RBFOX1: variants seen among roughly 807,000 people sequenced by gnomAD.
The protein encoded by RBFOX1 is RNA binding fox-1 homolog 1, also known as RNA binding protein fox-1 homolog 1.
Under a neutral mutation model 57.7 loss-of-function variants are expected in RBFOX1, and 8 were observed. That is an observed-to-expected ratio of 0.14 (90% CI 0.08 to 0.25). The LOEUF is 0.25. RBFOX1 is among the 10% of genes least tolerant of loss of function. The pLI is 1.00. For missense variants in RBFOX1, 611 were observed against 548.5 expected, an observed-to-expected ratio of 1.11 and a Z score of -1.14; for synonymous variants, 326 against 222.4, an observed-to-expected ratio of 1.47 and a Z score of -4.15.
At chr16:6,822,411 A>G (rs926650503) in intron 3 of RBFOX1, among the ~76,000 whole-genome samples, 13 of 152,206 alleles carry the variant, frequency 8.5e-5, no homozygotes, top group Non-Finnish European at 1.5e-4. Context: ...AAGTCTTTTA[A>G]AAGCCACTGC....
intron 3 of RBFOX1, among the ~76,000 whole-genome samples, chr16:5,790,648 C>G (rs956473731): frequency 5.3e-5 from 8 of 152,074 alleles, no homozygotes; most frequent in African/African-American, 1.7e-4. Flanking sequence ...CCCTAAGCCT[C>G]GTCTCCCTCC....
At chr16:6,062,701 G>A in intron 1 of RBFOX1, among the ~76,000 whole-genome samples, 1 of 150,288 alleles carries the variant, frequency 6.7e-6, no homozygotes, top group African/African-American at 2.4e-5. Context: ...ATGTATCTAT[G>A]CATATATAGT....
intron 3 of RBFOX1, among the ~76,000 whole-genome samples, chr16:6,668,041 C>A (rs1009013467): frequency 6.6e-6 from 1 of 152,126 alleles, no homozygotes; most frequent in Non-Finnish European, 1.5e-5. Flanking sequence ...AAGATAATAG[C>A]AAAGTAAATT....
rs76325130 is a variant in RBFOX1 at position 6,056,788 on chromosome 16, C to T, written c.-127+36796C>T. Among the ~76,000 whole-genome samples, 270 of 150,982 alleles carry T rather than the reference C, an allele frequency of 1.8e-3. 1 individual carries two copies. Among genetic ancestry groups the T allele is most frequent in the African/African-American group, 6.2e-3 (255 of 41,068 alleles). Reference sequence around the variant, plus strand: ...CCTTTTGAGTGTTAATATGGATCAACAGTGATAAATATTTGAGACACTGGT... The same window carrying T: ...CCTTTTGAGTGTTAATATGGATCAATAGTGATAAATATTTGAGACACTGGT... On this transcript the variant is annotated intron_variant, in intron 1 of 15. Coordinates refer to ENST00000550418, the MANE Select transcript of RBFOX1 (RefSeq NM_018723.4).
chr16:6,111,979 G>A (rs772907931), intron 1 of RBFOX1, among the ~76,000 whole-genome samples: 1 of 152,026 alleles, frequency 6.6e-6, no homozygotes, highest in Non-Finnish European at 1.5e-5. Flanking sequence ...TTAAAGGATC[G>A]CTAAAACTTA....
chr16:6,889,075 G>A (rs939283117), intron 3 of RBFOX1, among the ~76,000 whole-genome samples: 6 of 152,106 alleles, frequency 3.9e-5, no homozygotes, highest in Admixed American at 2.0e-4. Context: ...TTATAGACAC[G>A]GGTTGGTTAG....
At position 7,646,192 on chromosome 16, in the gene RBFOX1, A is replaced by G. The variant is rs75621747; in HGVS notation, c.758-7623A>G. 8.4e-3 allele frequency among the ~76,000 whole-genome samples: 1,273 copies of G among 152,328 alleles called. 13 individuals are homozygous for G. The highest frequency in any genetic ancestry group is 0.013 in the Non-Finnish European group (901 of 68,030). ...CATATTTTGCCATTTGGAAAAAATC[A>G]GGTTTTTTGATTCTTCATTGTGATG... On this transcript the variant is annotated intron_variant, in intron 11 of 15. Transcript: ENST00000550418.
intron 3 of RBFOX1, among the ~76,000 whole-genome samples, chr16:6,780,660 T>C (rs141409410): frequency 6.0e-4 from 89 of 148,840 alleles, no homozygotes; most frequent in African/African-American, 2.0e-3. Context: ...TGTATATATC[T>C]ATATTGCCTG....
chr16:6,455,515 A>G (rs780208444), intron 2 of RBFOX1, among the ~76,000 whole-genome samples: 4 of 152,194 alleles, frequency 2.6e-5, no homozygotes, highest in African/African-American at 9.7e-5. Context: ...CAGGAGTTCT[A>G]TGAATGCACT....
intron 3 of RBFOX1, among the ~76,000 whole-genome samples, chr16:5,638,042 G>A (rs566443484): frequency 6.6e-6 from 1 of 152,284 alleles, no homozygotes; most frequent in South Asian, 2.1e-4. Flanking sequence ...CATCTCATAC[G>A]GGAGTTCCTT....
intron 3 of RBFOX1, among the ~76,000 whole-genome samples, chr16:7,006,126 C>G (rs952238169): frequency 1.3e-5 from 2 of 152,078 alleles, no homozygotes; most frequent in Non-Finnish European, 2.9e-5. Flanking sequence ...GGCTAGAGGA[C>G]ATACATAATG....
At chr16:7,163,908 C>T (rs994042927) in intron 4 of RBFOX1, among the ~76,000 whole-genome samples, 1 of 152,178 alleles carries the variant, frequency 6.6e-6, no homozygotes, top group Non-Finnish European at 1.5e-5. Context: ...GATCCATCCA[C>T]TTCAGCCTCC....
At chr16:5,756,420 G>C (rs1415011795) in intron 3 of RBFOX1, among the ~76,000 whole-genome samples, 5 of 152,044 alleles carry the variant, frequency 3.3e-5, no homozygotes, top group Non-Finnish European at 5.9e-5. Context: ...TTCTTGCTTA[G>C]ACCTGGTTTC....
At chr16:7,659,111 T>A (rs1385333918) in intron 12 of RBFOX1, among the ~76,000 whole-genome samples, 1 of 152,220 alleles carries the variant, frequency 6.6e-6, no homozygotes, top group African/African-American at 2.4e-5. Context: ...TGAGTAAGAT[T>A]TTCTGCCCTT....
intron 4 of RBFOX1, among the ~76,000 whole-genome samples, chr16:7,363,984 T>G (rs2097383377): frequency 6.6e-6 from 1 of 152,020 alleles, no homozygotes; most frequent in African/African-American, 2.4e-5. Context: ...TGAGGGGAAA[T>G]ATTTTTGAAC....
chr16:6,561,513 A>C (rs1436719576), intron 2 of RBFOX1, among the ~76,000 whole-genome samples: 1 of 152,166 alleles, frequency 6.6e-6, no homozygotes, highest in Non-Finnish European at 1.5e-5. Flanking sequence ...ATATGGGTTT[A>C]ATGTTGTTTT....
At chr16:6,539,691 G>T (rs545780166) in intron 2 of RBFOX1, among the ~76,000 whole-genome samples, 4 of 151,954 alleles carry the variant, frequency 2.6e-5, no homozygotes, top group African/African-American at 7.2e-5. Flanking sequence ...CCAGCTCCAC[G>T]GGAGGCTGAG....
intron 4 of RBFOX1, among the ~76,000 whole-genome samples, chr16:7,373,072 C>T (rs534911875): frequency 6.6e-6 from 1 of 151,876 alleles, no homozygotes; most frequent in African/African-American, 2.4e-5. Context: ...GCTGGGACTA[C>T]AGGTGCCTGC....
intron 4 of RBFOX1, among the ~76,000 whole-genome samples, chr16:5,912,738 C>G (rs1597760553): frequency 6.6e-6 from 1 of 152,164 alleles, no homozygotes; most frequent in African/African-American, 2.4e-5. Flanking sequence ...TTAGTTTTAT[C>G]TCCTTTGTTA....
Sources: gnomAD v4.1 joint callset for allele counts (sites outside exome capture counted in the v4.1 genomes callset) on GRCh38, gnomAD v4.1.1 for gene constraint, MANE v1.5 for transcripts, NCBI Gene and HGNC (gene_info 2026-07-23, HGNC 2026-07-21) for gene names.